DPP6: variants seen among roughly 807,000 people sequenced by gnomAD.
DPP6 encodes dipeptidyl peptidase like 6, also known as A-type potassium channel modulatory protein DPP6.
Under a neutral mutation model 122.6 loss-of-function variants are expected in DPP6, and 69 were observed. The observed-to-expected ratio is 0.56, with a 90% CI of 0.46 to 0.69. The LOEUF (loss-of-function observed/expected upper bound fraction) is 0.69, where lower values mean the gene tolerates loss of function less well. Ranked by LOEUF, DPP6 falls within the 30% of genes least tolerant of loss-of-function variation. The probability of loss-of-function intolerance (pLI) is 0.00; values close to 1 mark genes in which losing one functional copy is unlikely to be tolerated. For synonymous variants in DPP6, 418 were observed against 433.1 expected (o/e 0.97, Z 0.43); for missense variants, 928 against 1,116.9 (o/e 0.83, Z 2.41).
intron 1 of DPP6, among the ~76,000 whole-genome samples, chr7:154,079,861 T>C (rs1803864284): frequency 6.6e-6 from 1 of 151,714 alleles, no homozygotes; most frequent in African/African-American, 2.4e-5. Context: ...GCACAGTTGG[T>C]CTCTGGGACT....
chr7:154,262,253 T>A (rs1803076514), intron 1 of DPP6, among the ~76,000 whole-genome samples: 1 of 152,124 alleles, frequency 6.6e-6, no homozygotes, highest in Non-Finnish European at 1.5e-5. Flanking sequence ...CCCAGATTCA[T>A]ATGTTGAAGA....
intron 1 of DPP6, among the ~76,000 whole-genome samples, chr7:154,350,893 AGTGT>A (rs1810795301): frequency 6.6e-6 from 1 of 152,160 alleles, no homozygotes; most frequent in African/African-American, 2.4e-5. Flanking sequence ...CTGACTGGAC[AGTGT>A]GTGGGAAATG....
At chr7:154,634,348 T>G (rs11977576) in intron 5 of DPP6, among the ~76,000 whole-genome samples, 10,386 of 152,010 alleles carry the variant, frequency 0.068, 1,159 homozygotes, top group African/African-American at 0.23. Context: ...AACTCATCAT[T>G]TTTTATGGCT....
rs1467584448 is a variant in DPP6, at chr7:154,483,544, G to T, written c.457+8507G>T. Reference sequence around the variant, plus strand: ...CAAAGCAACTATCTGATTGGTTACAGTTATGGAGTTGCCTTATTTGGTCAA... The same window carrying T: ...CAAAGCAACTATCTGATTGGTTACATTTATGGAGTTGCCTTATTTGGTCAA... On this transcript the variant is annotated intron_variant, in intron 3 of 25. Coordinates refer to ENST00000377770, the MANE Select transcript of DPP6 (RefSeq NM_130797.4). This position sits in a 1 kb window ranked among gnomAD's most constrained non-coding sequence, Gnocchi z 8.1. Among the ~76,000 whole-genome samples the T allele has an allele frequency of 2.0e-5, 3 of 152,218 alleles. No homozygotes were observed. Among genetic ancestry groups the T allele is most frequent in the Non-Finnish European group, 4.4e-5 (3 of 68,026 alleles).
chr7:153,978,840 C>T (rs1278580139), intron 1 of DPP6, among the ~76,000 whole-genome samples: 2 of 151,918 alleles, frequency 1.3e-5, no homozygotes, highest in Admixed American at 6.6e-5. Context: ...TTAGGTTTGT[C>T]AAAGATCAGA....
At chr7:154,573,249 G>T (rs1425862658) in intron 5 of DPP6, among the ~76,000 whole-genome samples, 10 of 152,138 alleles carry the variant, frequency 6.6e-5, no homozygotes, top group South Asian at 2.1e-4. Context: ...ATGTGTGGGG[G>T]CTGCTATCAG....
intron 1 of DPP6, among the ~76,000 whole-genome samples, chr7:154,393,645 T>C (rs897067212): frequency 6.6e-6 from 1 of 151,990 alleles, no homozygotes; most frequent in Admixed American, 6.6e-5. Flanking sequence ...TGGTAAAATA[T>C]ATATAACATA....
exon 1 of DPP6, chr7:153,887,708 A>T: frequency 6.2e-7 from 1 of 1,613,844 alleles, no homozygotes; most frequent in Non-Finnish European, 8.5e-7. Context: ...CATGATCAAG[A>T]CCGCTAAGAT....
At position 154,063,160 on chromosome 7, in the gene DPP6, C is replaced by T. The variant is rs1207487282; in HGVS notation, c.243+10097C>T. ...CGAGAGTGGGGACTGAGAGCTATCC[C>T]CTTTTCCGCCCCTGGCTGTTAGTAC... On this transcript the variant is annotated intron_variant, in intron 1 of 25. Transcript: ENST00000377770. Among the ~76,000 whole-genome samples the T allele has an allele frequency of 3.1e-5, 4 of 128,230 alleles. 1 individual carries two copies. Among genetic ancestry groups the T allele is most frequent in the South Asian group, 3.0e-4 (1 of 3,386 alleles). 84.1% of individuals were successfully genotyped at this position (128,230 alleles called of 152,430 possible).
chr7:153,931,758 T>C (rs898482510), intron 1 of DPP6, among the ~76,000 whole-genome samples: 1 of 152,222 alleles, frequency 6.6e-6, no homozygotes, highest in African/African-American at 2.4e-5. Context: ...TTATGGCTGG[T>C]AGCCTAAGCA....
intron 8 of DPP6, 44 bp from the exon 9 acceptor site, chr7:154,769,373 C>G: frequency 6.2e-7 from 1 of 1,607,506 alleles, no homozygotes; most frequent in Non-Finnish European, 8.5e-7. Flanking sequence ...CCAATTTCCA[C>G]TCACTTGTTA....
At chr7:153,949,507 G>A (rs1443648257) in intron 1 of DPP6, among the ~76,000 whole-genome samples, 6 of 152,162 alleles carry the variant, frequency 3.9e-5, no homozygotes, top group Admixed American at 2.0e-4. Flanking sequence ...TGCCTCATGC[G>A]TCTTAGGGAA....
chr7:154,775,065 A>G (rs1800255604), intron 10 of DPP6, among the ~76,000 whole-genome samples: 2 of 152,168 alleles, frequency 1.3e-5, no homozygotes, highest in South Asian at 4.1e-4. Context: ...ATGCTGTCAT[A>G]TCTGCCTTTT....
At chr7:154,529,261 A>T (rs11982778) in intron 3 of DPP6, among the ~76,000 whole-genome samples, 1,696 of 152,268 alleles carry the variant, frequency 0.011, 30 homozygotes, top group African/African-American at 0.038. Flanking sequence ...CTGCCTTCCC[A>T]CATTGCTGAA....
intron 5 of DPP6, among the ~76,000 whole-genome samples, chr7:154,630,056 T>C (rs1032316964): frequency 9.2e-5 from 14 of 152,230 alleles, no homozygotes; most frequent in Non-Finnish European, 1.5e-5. Flanking sequence ...CCCTTAGCCC[T>C]GTATTACACA....
chr7:154,678,237 C>G (rs961250366), intron 7 of DPP6, among the ~76,000 whole-genome samples: 2 of 152,224 alleles, frequency 1.3e-5, no homozygotes, highest in East Asian at 3.9e-4. Flanking sequence ...CGCCGCCCAA[C>G]AGCTGCAACC....
chr7:154,253,952 G>A, intron 1 of DPP6, among the ~76,000 whole-genome samples: 1 of 152,202 alleles, frequency 6.6e-6, no homozygotes, highest in Non-Finnish European at 1.5e-5. Context: ...CAAGCGCAAA[G>A]CAGGAGGTGC....
chr7:154,374,218 C>G (rs1470876967), intron 1 of DPP6, among the ~76,000 whole-genome samples: 1 of 152,104 alleles, frequency 6.6e-6, no homozygotes, highest in African/African-American at 2.4e-5. Context: ...ACCTTGGGGA[C>G]ATTATTTCAT....
the DPP6 span, among the ~76,000 whole-genome samples, chr7:153,880,216 A>G: frequency 2.6e-5 from 4 of 152,174 alleles, no homozygotes; most frequent in Non-Finnish European, 4.4e-5. Context: ...TAGTAAGTCT[A>G]TTGCTTTCAG....
Sources: gnomAD v4.1 joint callset for allele counts (sites outside exome capture counted in the v4.1 genomes callset) on GRCh38, gnomAD v4.1.1 for gene constraint, Gnocchi (gnomAD v3.1) non-coding constraint, MANE v1.5 for transcripts, NCBI Gene and HGNC (gene_info 2026-07-23, HGNC 2026-07-21) for gene names.